ADGRL3: variants seen among roughly 807,000 people sequenced by gnomAD.
ADGRL3 encodes the protein adhesion G protein-coupled receptor L3.
Under a neutral mutation model 153.5 loss-of-function variants are expected in ADGRL3, and 62 were observed. The ratio of observed to expected loss-of-function variants is 0.40; its 90% confidence interval spans 0.33 to 0.50. ADGRL3 has a LOEUF of 0.50. ADGRL3 is among the 20% of genes least tolerant of loss of function. The pLI is 0.47. For missense variants in ADGRL3, 1,641 were observed against 1,859.4 expected (o/e 0.88, Z 2.16); for synonymous variants, 710 against 672.5 (o/e 1.06, Z -0.86).
In ADGRL3 at chr4:61,737,071, CTT is replaced by C. The variant is rs559624083; in HGVS notation, c.1399+3528_1399+3529del. The stretch of plus-strand genomic sequence containing the variant: ...ATTTTTCTTTAGTAAATTACATTGA[CTT>C]TTTTTTTTTTCCCCAAAGAAATTGC... On this transcript the variant is annotated intron_variant, in intron 8 of 26. Coordinates refer to ENST00000683033, the MANE Select transcript of ADGRL3 (RefSeq NM_001387552.1). 1.7e-4 allele frequency among the ~76,000 whole-genome samples: 25 copies of C among 145,498 alleles called. 1 individual carries two copies. The highest frequency in any genetic ancestry group is 5.7e-4 in the African/African-American group (23 of 40,002).
intron 4 of ADGRL3, among the ~76,000 whole-genome samples, chr4:61,563,091 A>C: frequency 6.6e-6 from 1 of 152,258 alleles, no homozygotes; most frequent in East Asian, 1.9e-4. Flanking sequence ...CTAAAATCTT[A>C]TAAAATGTAT....
intron 2 of ADGRL3, among the ~76,000 whole-genome samples, chr4:61,413,959 C>A (rs1249950256): frequency 6.6e-6 from 1 of 152,152 alleles, no homozygotes. Context: ...TTATTAAAAT[C>A]GTGCATTTTG....
chr4:61,436,706 T>A (rs10517536), intron 2 of ADGRL3, among the ~76,000 whole-genome samples: 3 of 152,024 alleles, frequency 2.0e-5, no homozygotes, highest in African/African-American at 7.3e-5. Context: ...GGTCCCTAAC[T>A]TGAAAATACA....
intron 8 of ADGRL3, among the ~76,000 whole-genome samples, chr4:61,769,029 A>C (rs1426094842): frequency 1.3e-5 from 2 of 149,372 alleles, no homozygotes; most frequent in African/African-American, 5.0e-5. Flanking sequence ...ACTTGCCGCT[A>C]AGGGTGAAGG....
chr4:61,517,076 G>GTT (rs11315799), intron 3 of ADGRL3, among the ~76,000 whole-genome samples: 33 of 140,038 alleles, frequency 2.4e-4, no homozygotes, highest in East Asian at 2.1e-3. Flanking sequence ...ATTAGGATGA[G>GTT]TTTTTTTTTT....
intron 5 of ADGRL3, among the ~76,000 whole-genome samples, chr4:61,666,877 C>A (rs969403384): frequency 3.9e-5 from 6 of 152,122 alleles, no homozygotes; most frequent in African/African-American, 1.4e-4. Flanking sequence ...ATATAGATGT[C>A]ATTCCAGTTA....
At chr4:61,616,255 T>C (rs1356446788) in intron 5 of ADGRL3, among the ~76,000 whole-genome samples, 1 of 152,110 alleles carries the variant, frequency 6.6e-6, no homozygotes, top group Non-Finnish European at 1.5e-5. Flanking sequence ...AATGGGAGTT[T>C]TAAAAAGCAG....
chr4:61,475,816 C>G (rs969420529), intron 2 of ADGRL3, among the ~76,000 whole-genome samples: 3 of 152,220 alleles, frequency 2.0e-5, no homozygotes, highest in South Asian at 4.1e-4. Context: ...AGTGCTGAAA[C>G]CTGTAGACGT....
At chr4:61,914,559 G>T (rs2098736836) in intron 13 of ADGRL3, among the ~76,000 whole-genome samples, 1 of 152,036 alleles carries the variant, frequency 6.6e-6, no homozygotes, top group Non-Finnish European at 1.5e-5. Flanking sequence ...ACTTAGCAAG[G>T]CATTTGTTCA....
At chr4:61,933,777 G>A (rs2098827311) in intron 13 of ADGRL3, 1 of 152,080 alleles carries the variant, frequency 6.6e-6, no homozygotes, top group African/African-American at 2.4e-5. Flanking sequence ...CATTGTGGAG[G>A]GTATTTCTCT....
At chr4:62,056,363 TTA>T (rs1019544030) in intron 25 of ADGRL3, among the ~76,000 whole-genome samples, 1 of 151,976 alleles carries the variant, frequency 6.6e-6, no homozygotes, top group Non-Finnish European at 1.5e-5. Context: ...AACTTACCTC[TTA>T]TTCCTTTATA....
At chr4:62,065,457 C>A (rs1030506464) in intron 25 of ADGRL3, among the ~76,000 whole-genome samples, 1 of 151,836 alleles carries the variant, frequency 6.6e-6, no homozygotes, top group Non-Finnish European at 1.5e-5. Context: ...TTGCTTTTTT[C>A]TTTGTTTTCC....
intron 13 of ADGRL3, among the ~76,000 whole-genome samples, chr4:61,931,772 T>C (rs2098818545): frequency 6.6e-6 from 1 of 152,158 alleles, no homozygotes; most frequent in Non-Finnish European, 1.5e-5. Context: ...GTTTGGGCTT[T>C]AGTAGAAAGC....
At chr4:61,511,026 A>G (rs2098460948) in intron 3 of ADGRL3, among the ~76,000 whole-genome samples, 1 of 151,938 alleles carries the variant, frequency 6.6e-6, no homozygotes, top group Non-Finnish European at 1.5e-5. Context: ...CTTGATGACT[A>G]TTGTAAATGT....
At chr4:61,990,080 A>C (rs1450991860) in intron 19 of ADGRL3, among the ~76,000 whole-genome samples, 1 of 152,068 alleles carries the variant, frequency 6.6e-6, no homozygotes, top group Non-Finnish European at 1.5e-5. Flanking sequence ...GTCCATGTTA[A>C]AACTTGTATG....
chr4:61,481,066 G>A (rs543070394), intron 2 of ADGRL3, among the ~76,000 whole-genome samples: 44 of 152,188 alleles, frequency 2.9e-4, no homozygotes, highest in East Asian at 1.9e-3. Context: ...TATATTGGCC[G>A]TGGTCATGAA....
chr4:61,361,166 C>G (rs552992623), intron 1 of ADGRL3, among the ~76,000 whole-genome samples: 1 of 152,104 alleles, frequency 6.6e-6, no homozygotes, highest in African/African-American at 2.4e-5. Context: ...CCTTTAACAG[C>G]CCTTTGATTT....
chr4:61,909,784 TG>T (rs2098713709), intron 12 of ADGRL3, 39 bp downstream of exon 12: 2 of 1,379,096 alleles, frequency 1.5e-6, no homozygotes. Flanking sequence ...TGTGTGTGTG[TG>T]TGTGTGTGTG....
chr4:61,486,275 A>G (rs2098192802), intron 2 of ADGRL3, among the ~76,000 whole-genome samples: 1 of 152,216 alleles, frequency 6.6e-6, no homozygotes, highest in Admixed American at 6.5e-5. Flanking sequence ...CTTGACTATA[A>G]TGCCAGTTGC....
Sources: gnomAD v4.1 joint callset for allele counts (sites outside exome capture counted in the v4.1 genomes callset) on GRCh38, gnomAD v4.1.1 for gene constraint, MANE v1.5 for transcripts, NCBI Gene and HGNC (gene_info 2026-07-23, HGNC 2026-07-21) for gene names.